Variants in GATAD2B observed in about 807,000 individuals in gnomAD.
The protein encoded by GATAD2B is transcriptional repressor p66-beta.
Under a neutral mutation model 64.3 loss-of-function variants are expected in GATAD2B, and 8 were observed. The ratio of observed to expected loss-of-function variants is 0.12; its 90% CI spans 0.07 to 0.22. The LOEUF is 0.22. Among genes scored for constraint, GATAD2B ranks in the 10% least tolerant of loss-of-function variants. GATAD2B has a pLI of 1.00. For synonymous variants in GATAD2B, 281 were observed against 271.3 expected, an observed-to-expected ratio of 1.04 and a Z score of -0.35; for missense variants, 453 against 752.0, an observed-to-expected ratio of 0.60 and a Z score of 4.65.
intron 1 of GATAD2B, among the ~76,000 whole-genome samples, chr1:153,859,677 AAT>A (rs1182057030): frequency 6.0e-5 from 9 of 151,194 alleles, no homozygotes; most frequent in Non-Finnish European, 8.8e-5. Flanking sequence ...CTCAAAAAAA[AAT>A]AATAAAAAAA....
intron 1 of GATAD2B, among the ~76,000 whole-genome samples, chr1:153,863,016 G>T (rs909213922): frequency 6.6e-6 from 1 of 152,078 alleles, no homozygotes; most frequent in Non-Finnish European, 1.5e-5. Context: ...GAGGCACTGC[G>T]CCTGGCATAC....
intron 1 of GATAD2B, among the ~76,000 whole-genome samples, chr1:153,883,481 T>G (rs934975855): frequency 5.3e-5 from 8 of 152,364 alleles, no homozygotes; most frequent in African/African-American, 1.7e-4. Flanking sequence ...ATCTAGACAC[T>G]GCTATCATTT....
At chr1:153,835,449 G>A (rs1005526673) in intron 1 of GATAD2B, among the ~76,000 whole-genome samples, 2 of 151,466 alleles carry the variant, frequency 1.3e-5, no homozygotes, top group East Asian at 1.9e-4. Flanking sequence ...TTGGGCAGGC[G>A]CAGTGGCTCA....
At chr1:153,828,926 C>G (rs527695843) in intron 1 of GATAD2B, among the ~76,000 whole-genome samples, 2 of 152,184 alleles carry the variant, frequency 1.3e-5, no homozygotes, top group South Asian at 4.1e-4. Flanking sequence ...TAAATGTAGG[C>G]CGGACATGGT....
At chr1:153,862,259 G>A (rs535314914) in intron 1 of GATAD2B, among the ~76,000 whole-genome samples, 41 of 150,306 alleles carry the variant, frequency 2.7e-4, no homozygotes, top group Middle Eastern at 3.4e-3. Flanking sequence ...AGTACCTGAC[G>A]TTACAGGCTC....
In GATAD2B at chr1:153,916,528, T is replaced by C. The variant is rs144223556; in HGVS notation, c.-2+6205A>G. ...ATGTTGAGTTTGAGTACCAACTTGA[T>C]ACAAAGGTATAGATACGTCTAGCTC... is the stretch of plus-strand genomic sequence containing the variant. On this transcript the variant is annotated intron_variant, in intron 1 of 10. Coordinates refer to ENST00000368655, the MANE Select transcript of GATAD2B (RefSeq NM_020699.4). 1.4e-3 allele frequency among the ~76,000 whole-genome samples: 210 copies of C among 152,264 alleles called. No individual in the cohort carries two copies. The East Asian group carries it at 0.029, about 21-fold the overall frequency.
chr1:153,887,430 C>G (rs1361063360), intron 1 of GATAD2B, among the ~76,000 whole-genome samples: 1 of 152,134 alleles, frequency 6.6e-6, no homozygotes, highest in Non-Finnish European at 1.5e-5. Context: ...TAAGTGTCTA[C>G]CACTATTTGG....
chr1:153,874,580 G>A (rs891743035), intron 1 of GATAD2B, among the ~76,000 whole-genome samples: 3 of 151,518 alleles, frequency 2.0e-5, no homozygotes, highest in African/African-American at 7.3e-5. Flanking sequence ...GGGTTTTTTT[G>A]TTGTTTTTGT....
In GATAD2B at chr1:153,823,536, G is replaced by A. The variant is rs139244244; in HGVS notation, c.336-3801C>T. Among the ~76,000 whole-genome samples, 232 of 152,188 alleles carry A rather than the reference G, an allele frequency of 1.5e-3. 2 individuals carry two copies. Among genetic ancestry groups the A allele is most frequent in the African/African-American group, 5.4e-3 (223 of 41,504 alleles). On this transcript the variant is annotated intron_variant, in intron 2 of 10. Transcript: ENST00000368655. The stretch of plus-strand genomic sequence containing the variant: ...AATTCTTTCATTTTTTCTTGGTAGA[G>A]ATGAGGTACCACTATGTTGCCCAGA...
intron 1 of GATAD2B, among the ~76,000 whole-genome samples, chr1:153,872,411 C>T (rs1322718493): frequency 2.7e-5 from 4 of 150,134 alleles, no homozygotes; most frequent in African/African-American, 7.3e-5. Context: ...TGTATTATTA[C>T]ATTAAAATAC....
intron 1 of GATAD2B, among the ~76,000 whole-genome samples, chr1:153,864,823 C>T (rs1296466612): frequency 1.3e-5 from 2 of 151,982 alleles, no homozygotes; most frequent in African/African-American, 4.8e-5. Context: ...AATCCCAACA[C>T]TTTGGGTGGC....
At chr1:153,868,882 G>A (rs972429464) in intron 1 of GATAD2B, among the ~76,000 whole-genome samples, 8 of 151,688 alleles carry the variant, frequency 5.3e-5, no homozygotes, top group East Asian at 1.9e-4. Context: ...CTACAGGCAC[G>A]CACCATCACA....
intron 1 of GATAD2B, among the ~76,000 whole-genome samples, chr1:153,909,877 G>A (rs1678062757): frequency 6.6e-6 from 1 of 151,518 alleles, no homozygotes; most frequent in Non-Finnish European, 1.5e-5. Flanking sequence ...GAACCTGGGA[G>A]GCAGAGGTTG....
chr1:153,917,972 G>A (rs1205842428), intron 1 of GATAD2B, among the ~76,000 whole-genome samples: 5 of 152,200 alleles, frequency 3.3e-5, no homozygotes, highest in Non-Finnish European at 7.3e-5. Flanking sequence ...ACGTTAAGGA[G>A]GTGAGGCAAT....
intron 1 of GATAD2B, among the ~76,000 whole-genome samples, chr1:153,833,739 G>C (rs1053062245): frequency 1.3e-5 from 2 of 148,584 alleles, no homozygotes; most frequent in East Asian, 4.0e-4. Context: ...GAACCTGGGA[G>C]GGGGAGGTGG....
intron 1 of GATAD2B, among the ~76,000 whole-genome samples, chr1:153,861,962 T>C (rs547515420): frequency 6.7e-6 from 1 of 150,360 alleles, no homozygotes; most frequent in South Asian, 2.1e-4. Flanking sequence ...CAATTCCGCA[T>C]ACTGCAACCT....
intron 1 of GATAD2B, among the ~76,000 whole-genome samples, chr1:153,851,246 A>G (rs964474342): frequency 6.6e-6 from 1 of 152,166 alleles, no homozygotes; most frequent in Non-Finnish European, 1.5e-5. Flanking sequence ...TAATGTCCTC[A>G]AGCTTCATCC....
rs191689151 is a variant in GATAD2B at position 153,906,049 on chromosome 1, G to A, written c.-2+16684C>T. ...GCCACTGCACTCCAGCCTGGTGACA[G>A]AGGGAGGTTCCCTCTCAAAAAAAAA... On this transcript the variant is annotated intron_variant, in intron 1 of 10. Transcript: ENST00000368655. Among the ~76,000 whole-genome samples, 749 of 142,066 alleles carry A rather than the reference G, an allele frequency of 5.3e-3. 27 individuals are homozygous for A. The highest frequency in any genetic ancestry group is 0.05 in the Admixed American group (708 of 14,148). The allele number at this position is 142,066 out of a possible 152,430, so 93.2% of individuals were successfully genotyped here. A position where few individuals can be genotyped will look rare whatever the true frequency, so the allele number is the denominator to read the frequency against.
In GATAD2B at chr1:153,879,762, CAA is replaced by C. The variant is rs71093298; in HGVS notation, c.-2+42969_-2+42970del. Reference sequence around the variant, plus strand: ...TGGCAACAGAGCGAGACACTGTCTACAAAAAAAAAAAAAAAAAAAAAGACATC... The same window carrying C: ...TGGCAACAGAGCGAGACACTGTCTACAAAAAAAAAAAAAAAAAAAGACATC... On this transcript the variant is annotated intron_variant, in intron 1 of 10. Coordinates refer to ENST00000368655, the MANE Select transcript of GATAD2B (RefSeq NM_020699.4). Among the ~76,000 whole-genome samples, 505 of 80,948 alleles carry C rather than the reference CAA, an allele frequency of 6.2e-3. 1 individual carries two copies. The highest frequency in any genetic ancestry group is 0.017 in the African/African-American group (343 of 19,736). 53.1% of individuals were successfully genotyped at this position (80,948 alleles called of 152,430 possible). A position where few individuals can be genotyped will look rare whatever the true frequency, so the allele number is the denominator to read the frequency against.
Sources: allele counts gnomAD v4.1 joint callset (sites outside exome capture counted in the v4.1 genomes callset), GRCh38; gene constraint gnomAD v4.1.1; transcripts MANE v1.5; gene names NCBI Gene and HGNC (gene_info 2026-07-23, HGNC 2026-07-21).